TNPO3: variants seen among roughly 807,000 people sequenced by gnomAD.
TNPO3 encodes the protein transportin 3.
In TNPO3, 65 loss-of-function variants were observed where a neutral mutation model predicts 122.8. That is an observed-to-expected ratio of 0.53 (90% CI 0.43 to 0.65). The LOEUF is 0.65. TNPO3 is among the 30% of genes least tolerant of loss of function. The pLI is 0.00. For missense variants in TNPO3, 850 were observed against 1,136.7 expected (o/e 0.75, Z 3.63); for synonymous variants, 372 against 411.2 (o/e 0.90, Z 1.15).
chr7:128,982,290 G>A lies in TNPO3; in HGVS notation c.1817C>T (p.Ser606Leu). The A allele has an allele frequency of 6.2e-7, 1 of 1,613,488 alleles. No individual in the cohort carries two copies. The highest frequency in any genetic ancestry group is 8.5e-7 in the Non-Finnish European group (1 of 1,179,624). The change falls in exon 14 of 23, where the codon TCA becomes TTA. Residue 606 changes from serine (S) to leucine (L), a missense_variant. By Grantham distance (145) the Ser-to-Leu change is moderately radical (BLOSUM62 -2). Coordinates refer to ENST00000265388, the MANE Select transcript of TNPO3 (RefSeq NM_012470.4). Reference sequence around the variant, plus strand: ...GCGATCTAAGAACACTGTGGGATCTGAGGATATGCCATTGCTGGGCTCTTG... The same window carrying A: ...GCGATCTAAGAACACTGTGGGATCTAAGGATATGCCATTGCTGGGCTCTTG... Reference protein sequence around the residue: ...LSQEPSNGISSDPTVFLDRLA... With the variant: ...LSQEPSNGISLDPTVFLDRLA...
chr7:128,982,163 G>T, intron 14 of TNPO3, 85 bp downstream of exon 14: 1 of 1,199,350 alleles, frequency 8.3e-7, no homozygotes, highest in Non-Finnish European at 1.2e-6. Flanking sequence ...GGAAGTATGA[G>T]GAAAAAATAC....
chr7:128,957,732 TACA>T (rs1347617892), intron 21 of TNPO3, among the ~76,000 whole-genome samples: 7 of 152,264 alleles, frequency 4.6e-5, no homozygotes, highest in African/African-American at 1.4e-4. Context: ...TGTAGGCTGC[TACA>T]ACAACACTTG....
At chr7:129,038,277 T>C (rs1452274455) in intron 1 of TNPO3, among the ~76,000 whole-genome samples, 1 of 152,022 alleles carries the variant, frequency 6.6e-6, no homozygotes, top group Non-Finnish European at 1.5e-5. Flanking sequence ...ATTTCTAAAA[T>C]GAAAGCATTC....
In TNPO3 at chr7:129,054,960, G is replaced by A; in HGVS notation, c.-190C>T. On this transcript the variant is annotated 5_prime_UTR_variant, in exon 1 of 23. Transcript: ENST00000265388. Reference sequence around the variant, plus strand: ...TTGCCCCCTCGGAAACAGCTATTAGGTCGTATTCAGGTTCCTGGCCTTTTT... The same window carrying A: ...TTGCCCCCTCGGAAACAGCTATTAGATCGTATTCAGGTTCCTGGCCTTTTT... 1 of 661,342 alleles carries A rather than the reference G, an allele frequency of 1.5e-6. No homozygotes were observed. The highest frequency in any genetic ancestry group is 2.5e-6 in the Non-Finnish European group (1 of 396,258). The allele number at this position is 661,342 out of a possible 1,614,324, so 41.0% of individuals were successfully genotyped here.
chr7:129,041,795 T>G, intron 1 of TNPO3: 1 of 921,050 alleles, frequency 1.1e-6, no homozygotes, highest in Non-Finnish European at 1.3e-6. Flanking sequence ...GAACAGGCCT[T>G]TATATCAGTC....
At chr7:128,960,041 T>C (rs976644807) in intron 21 of TNPO3, among the ~76,000 whole-genome samples, 1 of 152,068 alleles carries the variant, frequency 6.6e-6, no homozygotes, top group Non-Finnish European at 1.5e-5. Flanking sequence ...AAAAGCTCCA[T>C]GAATGTTAGA....
At chr7:129,021,967 A>G (rs1321783511) in intron 1 of TNPO3, among the ~76,000 whole-genome samples, 1 of 152,244 alleles carries the variant, frequency 6.6e-6, no homozygotes, top group African/African-American at 2.4e-5. Flanking sequence ...AAAAATTTTA[A>G]AACATTTAAG....
At chr7:129,012,271 G>T (rs779569715) in intron 4 of TNPO3, among the ~76,000 whole-genome samples, 3 of 152,068 alleles carry the variant, frequency 2.0e-5, no homozygotes, top group East Asian at 1.9e-4. Flanking sequence ...CTCCCAAAGT[G>T]CTGGGATTAC....
chr7:128,963,257 A>G (rs1797637887), intron 21 of TNPO3, among the ~76,000 whole-genome samples: 1 of 152,228 alleles, frequency 6.6e-6, no homozygotes, highest in Non-Finnish European at 1.5e-5. Flanking sequence ...GCAAGATTCA[A>G]ACCAACATAC....
chr7:128,986,471 T>C (rs959757186), intron 12 of TNPO3, among the ~76,000 whole-genome samples: 1 of 152,228 alleles, frequency 6.6e-6, no homozygotes, highest in African/African-American at 2.4e-5. Flanking sequence ...GAATATGTTG[T>C]CTCTACCCAA....
At chr7:128,997,310 T>G (rs1250097477) in intron 8 of TNPO3, 79 bp downstream of exon 8, 2 of 1,526,956 alleles carry the variant, frequency 1.3e-6, no homozygotes, top group African/African-American at 2.8e-5. Flanking sequence ...GTTTATTATC[T>G]ATCTTCTCAG....
chr7:128,978,696 C>T (rs1799323845), intron 16 of TNPO3, among the ~76,000 whole-genome samples: 1 of 152,100 alleles, frequency 6.6e-6, no homozygotes. Context: ...CTTGCTCTGT[C>T]ACCCTGGCTG....
intron 8 of TNPO3, among the ~76,000 whole-genome samples, chr7:128,996,742 CAAAAAAAAAAA>C (rs10618550): frequency 4.3e-5 from 3 of 69,888 alleles, no homozygotes; most frequent in Admixed American, 3.9e-4. Flanking sequence ...GACTCCGTCT[CAAAAAAAAAAA>C]AAAAAAAAAA....
At chr7:128,975,769 C>T in intron 17 of TNPO3, 50 bp downstream of exon 17, 1 of 1,161,732 alleles carries the variant, frequency 8.6e-7, no homozygotes, top group Non-Finnish European at 1.3e-6. Flanking sequence ...GCTGCTAGGC[C>T]TTCAGACCCT....
intron 13 of TNPO3, among the ~76,000 whole-genome samples, chr7:128,982,814 C>G (rs1236647256): frequency 6.6e-6 from 1 of 152,260 alleles, no homozygotes; most frequent in East Asian, 1.9e-4. Flanking sequence ...CAGAGATGAA[C>G]TACAGAATTA....
intron 21 of TNPO3, among the ~76,000 whole-genome samples, chr7:128,961,304 C>G (rs979629419): frequency 6.6e-6 from 1 of 151,778 alleles, no homozygotes; most frequent in South Asian, 2.1e-4. Flanking sequence ...TGTACCTTTT[C>G]TATGTTTAGA....
chr7:128,954,189 A>G lies in TNPO3; in HGVS notation c.*1228T>C, dbSNP rs1299410640. 6.6e-6 allele frequency: 1 copy of G among 152,262 alleles called. No homozygotes were observed. The highest frequency in any genetic ancestry group is 1.9e-4 in the East Asian group (1 of 5,200). The allele number at this position is 152,262 out of a possible 1,614,324, so 9.4% of individuals were successfully genotyped here. ...GTAAAAACAAAGAAACACTGGTTAA[A>G]TTTTAAAAATTTATTCTTTCTCTTT... On this transcript the variant is annotated 3_prime_UTR_variant, in exon 23 of 23. Coordinates refer to ENST00000265388, the MANE Select transcript of TNPO3 (RefSeq NM_012470.4).
At chr7:128,990,278 T>A in intron 10 of TNPO3, 178 bp from the exon 11 acceptor site, 1 of 727,296 alleles carries the variant, frequency 1.4e-6, no homozygotes, top group South Asian at 1.6e-5. Flanking sequence ...GAGGAAAAGA[T>A]AGAAATGAAA....
chr7:128,956,134 C>T (rs746782100), intron 22 of TNPO3, among the ~76,000 whole-genome samples: 3 of 152,184 alleles, frequency 2.0e-5, no homozygotes, highest in Non-Finnish European at 4.4e-5. Flanking sequence ...AACCCAGACA[C>T]CATGCAAAAC....
Sources: gnomAD v4.1 joint callset for allele counts (sites outside exome capture counted in the v4.1 genomes callset) on GRCh38, gnomAD v4.1.1 for gene constraint, MANE v1.5 for transcripts, NCBI Gene and HGNC (gene_info 2026-07-23, HGNC 2026-07-21) for gene names.